Variants in DNPEP observed in about 807,000 individuals in gnomAD.
The protein encoded by DNPEP is aspartyl aminopeptidase.
Under a neutral mutation model 59.1 loss-of-function variants are expected in DNPEP, and 46 were observed. That is an observed-to-expected ratio of 0.78 (90% CI 0.61 to 0.99). The LOEUF (loss-of-function observed/expected upper bound fraction) is 0.99, where lower values mean the gene tolerates loss of function less well. Among genes scored for constraint, DNPEP ranks in the 50% least tolerant of loss-of-function variants. The pLI, the probability that DNPEP is intolerant of heterozygous loss-of-function variation, is 0.00. For missense variants in DNPEP, 617 were observed against 649.9 expected, an observed-to-expected ratio of 0.95 and a Z score of 0.55; for synonymous variants, 229 against 242.2, an observed-to-expected ratio of 0.95 and a Z score of 0.50.
chr2:219,398,568 T>C (rs928736509), intron 1 of DNPEP, among the ~76,000 whole-genome samples: 1 of 152,016 alleles, frequency 6.6e-6, no homozygotes, highest in African/African-American at 2.4e-5. Flanking sequence ...GAGAATCGCT[T>C]GAACCCAGGA....
At chr2:219,396,883 G>A (rs1408083719) in intron 1 of DNPEP, among the ~76,000 whole-genome samples, 1 of 152,154 alleles carries the variant, frequency 6.6e-6, no homozygotes, top group Non-Finnish European at 1.5e-5. Context: ...TCTTGGGAAG[G>A]TAAAATTATT....
intron 13 of DNPEP, 113 bp downstream of exon 13, chr2:219,381,222 A>AC (rs1291956754): frequency 2.4e-5 from 21 of 880,788 alleles, no homozygotes; most frequent in Non-Finnish European, 3.2e-5. Flanking sequence ...CTCTACTGGG[A>AC]CCCCCCTCCA....
intron 10 of DNPEP, 99 bp from the exon 11 acceptor site, chr2:219,382,238 ACT>A (rs1178227062): frequency 2.2e-6 from 3 of 1,360,546 alleles, no homozygotes; most frequent in Non-Finnish European, 3.0e-6. Flanking sequence ...CCAAAACCCC[ACT>A]GAGTCACTGG....
chr2:219,387,562 T>G, intron 1 of DNPEP, 197 bp downstream of exon 1: 1 of 1,354,532 alleles, frequency 7.4e-7, no homozygotes, highest in Non-Finnish European at 9.6e-7. Flanking sequence ...CCCTGACTCC[T>G]CTCTCGCACC....
At position 219,385,666 on chromosome 2, in the gene DNPEP, T is replaced by C; in HGVS notation, c.631A>G (p.Lys211Glu). ...AGAGGCCCTGGCTCAGGAGTCCCCTTCTCCAGCTCCTCCTGGATGGCTGTG... is the reference window on the plus strand; with the variant it reads ...AGAGGCCCTGGCTCAGGAGTCCCCTCCTCCAGCTCCTCCTGGATGGCTGTG... ...LATAIQEELE[K>E]GTPEPGPLNA... The change falls in exon 7 of 15, where the codon AAG becomes GAG. Residue 211 changes from lysine (K) to glutamate (E), a missense_variant. Physicochemically the swap from Lys to Glu is moderately conservative, Grantham distance 56 (BLOSUM62 1). Transcript: ENST00000273075. 6.2e-7 allele frequency: 1 copy of C among 1,610,928 alleles called. No homozygotes were observed. The highest frequency in any genetic ancestry group is 8.5e-7 in the Non-Finnish European group (1 of 1,178,394).
chr2:219,387,521 C>A (rs1953900784), intron 1 of DNPEP: 1 of 1,441,640 alleles, frequency 6.9e-7, no homozygotes, highest in East Asian at 2.6e-5. Flanking sequence ...CGTACCCAGC[C>A]CGGAGCCAAA....
In DNPEP at chr2:219,386,907, A is replaced by C; in HGVS notation, c.204T>G (p.Ile68Met). The C allele has an allele frequency of 1.9e-6, 3 of 1,579,756 alleles. No individual in the cohort carries two copies. The highest frequency in any genetic ancestry group is 1.1e-5 in the South Asian group (1 of 90,538). Residue 68 changes from isoleucine (I) to methionine (M), a missense_variant, in exon 3 of 15, where the codon ATT (isoleucine) becomes ATG (methionine). Transcript: ENST00000273075. ...CCCCCAGTACCTTGCTCTCGGGCTT[A>C]ATATTCCATTTCTCAGTCTCCTTGA... The part of the protein sequence containing the change: ...SELKETEKWN[I>M]KPESKYFMTR...
rs139489307 is a variant in DNPEP at position 219,394,778 on chromosome 2, T to G, written c.-158+5162A>C. ...TCCAATTGTTTTTGCACAGTCTCCATATGTGTGCCTAATAGGAATCTCCAG... is the reference window on the plus strand; with the variant it reads ...TCCAATTGTTTTTGCACAGTCTCCAGATGTGTGCCTAATAGGAATCTCCAG... On this transcript the variant is annotated intron_variant, in intron 1 of 6. Transcript: ENST00000434339. 7.2e-5 allele frequency among the ~76,000 whole-genome samples: 11 copies of G among 152,340 alleles called. No individual in the cohort carries two copies. In the East Asian group the frequency reaches 2.1e-3, roughly 29 times the overall value.
In DNPEP at chr2:219,374,467, G is replaced by A. The variant is rs552205376; in HGVS notation, c.1408-125C>T. 41 of 852,426 alleles carry A rather than the reference G, an allele frequency of 4.8e-5. No individual in the cohort carries two copies. The African/African-American group carries it at 6.2e-4, about 13-fold the overall frequency. 52.8% of individuals were successfully genotyped at this position (852,426 alleles called of 1,614,324 possible). ...ACCGAGGTTTCATCTGTTCTTGACAGCCACCCCAGTCTTCTCAGCCCTGAT... is the reference window on the plus strand; with the variant it reads ...ACCGAGGTTTCATCTGTTCTTGACAACCACCCCAGTCTTCTCAGCCCTGAT... On this transcript the variant is annotated intron_variant, in intron 14 of 14. Transcript: ENST00000273075.
In DNPEP at chr2:219,374,190, A is replaced by C; in HGVS notation, c.*102T>G. ...TAGTCTCCAAATAAGCGTAGCACGGAGAGTCTGAGTGACAATCCACTTTAA... is the reference window on the plus strand; with the variant it reads ...TAGTCTCCAAATAAGCGTAGCACGGCGAGTCTGAGTGACAATCCACTTTAA... On this transcript the variant is annotated 3_prime_UTR_variant, in exon 15 of 15. Transcript: ENST00000273075. 2 of 1,148,528 alleles carry C rather than the reference A, an allele frequency of 1.7e-6. No homozygotes were observed. Among genetic ancestry groups the C allele is most frequent in the Non-Finnish European group, 2.6e-6 (2 of 765,212 alleles). The allele number at this position is 1,148,528 out of a possible 1,614,324, so 71.1% of individuals were successfully genotyped here.
intron 1 of DNPEP, 93 bp from the exon 2 acceptor site, chr2:219,387,256 G>C: frequency 6.6e-7 from 1 of 1,514,642 alleles, no homozygotes; most frequent in Non-Finnish European, 8.9e-7. Flanking sequence ...ACCCCCAGAA[G>C]TGACCACTCT....
At chr2:219,386,217 C>T (rs566383869) in intron 5 of DNPEP, 69 bp downstream of exon 5, 9 of 1,611,226 alleles carry the variant, frequency 5.6e-6, no homozygotes, top group East Asian at 2.2e-5. Context: ...CTCTTCCCCA[C>T]GGGTACCCTG....
At chr2:219,385,189 G>A (rs1953757749) in intron 8 of DNPEP, 1 of 476,784 alleles carries the variant, frequency 2.1e-6, no homozygotes, top group Non-Finnish European at 3.8e-6. Flanking sequence ...AACTCTTTGG[G>A]AATCTGTAAA....
intron 1 of DNPEP, among the ~76,000 whole-genome samples, chr2:219,395,181 C>G (rs537469328): frequency 1.3e-5 from 2 of 152,144 alleles, no homozygotes; most frequent in African/African-American, 4.8e-5. Context: ...CTCCTGACCT[C>G]AAGCAATCTG....
rs1559338539 is a variant in DNPEP at position 219,385,366 on chromosome 2, A to G, written c.774+58T>C. On this transcript the variant is annotated intron_variant, in intron 8 of 14. Transcript: ENST00000273075. ...GATGGGTGCTTCAGCAGGACGGGCTAGGGGTGGCCAGGATCCTGGAGGCCC... is the reference window on the plus strand; with the variant it reads ...GATGGGTGCTTCAGCAGGACGGGCTGGGGGTGGCCAGGATCCTGGAGGCCC... The G allele has an allele frequency of 4.2e-6, 5 of 1,203,270 alleles. No individual in the cohort carries two copies. In the African/African-American group the frequency reaches 6.0e-5, roughly 14 times the overall value. The allele number at this position is 1,203,270 out of a possible 1,614,324, so 74.5% of individuals were successfully genotyped here.
chr2:219,376,285 C>G (rs575639590), intron 13 of DNPEP, among the ~76,000 whole-genome samples: 2 of 152,086 alleles, frequency 1.3e-5, no homozygotes, highest in South Asian at 4.1e-4. Context: ...TCCAGGAGTT[C>G]AAGACCAGCC....
chr2:219,375,491 T>C (rs4672927), intron 13 of DNPEP, among the ~76,000 whole-genome samples: 124,304 of 151,998 alleles, frequency 0.82, 51,317 homozygotes, highest in Non-Finnish European at 0.87. Flanking sequence ...ACTATTTAAC[T>C]AAATAAGAAT....
rs1478172069 is a variant in DNPEP, at chr2:219,381,969, A to G, written c.1097+10T>C. ...ATGTGAAGACTGTGTGACTGGCACT[A>G]GAGACTCACAGGTAGTTGGGATGCA... On this transcript the variant is annotated intron_variant, in intron 11 of 14. Coordinates refer to ENST00000273075, the MANE Select transcript of DNPEP (RefSeq NM_012100.4). The G allele has an allele frequency of 2.5e-6, 4 of 1,613,626 alleles. No homozygotes were observed. The Admixed American group carries it at 6.7e-5, about 27-fold the overall frequency.
chr2:219,375,133 C>T (rs564722070), intron 13 of DNPEP, 111 bp from the exon 14 acceptor site: 38 of 1,155,662 alleles, frequency 3.3e-5, no homozygotes, highest in Admixed American at 6.7e-5. Context: ...ATGGTCCATT[C>T]GGAGCATAAA....
Sources: gnomAD v4.1 joint callset for allele counts (sites outside exome capture counted in the v4.1 genomes callset) on GRCh38, gnomAD v4.1.1 for gene constraint, MANE v1.5 for transcripts, NCBI Gene and HGNC (gene_info 2026-07-23, HGNC 2026-07-21) for gene names.